Variants in ASAP2 observed in about 807,000 individuals in gnomAD.
The protein encoded by ASAP2 is arf-GAP with SH3 domain, ANK repeat and PH domain-containing protein 2.
In ASAP2, 45 loss-of-function variants were observed where a neutral mutation model predicts 131.4. The ratio of observed to expected loss-of-function variants is 0.34; its 90% confidence interval spans 0.27 to 0.44. The LOEUF (loss-of-function observed/expected upper bound fraction) is 0.44, where lower values mean the gene tolerates loss of function less well. Ranked by LOEUF, ASAP2 falls within the 20% of genes least tolerant of loss-of-function variation. ASAP2 has a pLI of 1.00. For synonymous variants in ASAP2, 510 were observed against 503.0 expected (o/e 1.01, Z -0.19); for missense variants, 1,011 against 1,297.0 (o/e 0.78, Z 3.39).
At position 9,356,084 on chromosome 2, in the gene ASAP2, G is replaced by A. The variant is rs750474378; in HGVS notation, c.1149G>A (p.Gln383=). Residue 383 remains glutamine, a synonymous_variant, in exon 13 of 28, where the codon CAG becomes CAA. Coordinates refer to ENST00000281419, the MANE Select transcript of ASAP2 (RefSeq NM_003887.3). ...ACCACTTTCAAGCTGAAGATGAACA[G>A]GAATGTCAAATGTAAGTTACATGGT... ...RTYHFQAEDE[Q]ECQIWMSVLQ... 3.2e-5 allele frequency: 51 copies of A among 1,614,086 alleles called. No homozygotes were observed. The South Asian group carries it at 5.3e-4, about 17-fold the overall frequency.
chr2:9,292,817 C>T (rs185880492), intron 2 of ASAP2, among the ~76,000 whole-genome samples: 68 of 152,316 alleles, frequency 4.5e-4, no homozygotes, highest in African/African-American at 1.5e-3. Context: ...CCCAGCATAC[C>T]GTCACATCCC....
intron 15 of ASAP2, among the ~76,000 whole-genome samples, chr2:9,365,035 G>GA (rs1292692667): frequency 6.6e-6 from 1 of 151,954 alleles, no homozygotes; most frequent in Non-Finnish European, 1.5e-5. Context: ...AAGTCTATCA[G>GA]AAAAAATTGA....
intron 1 of ASAP2, among the ~76,000 whole-genome samples, chr2:9,247,278 C>T (rs143225194): frequency 1.3e-5 from 2 of 152,326 alleles, no homozygotes; most frequent in African/African-American, 4.8e-5. Flanking sequence ...GAACTCTTCG[C>T]TCCTCAATTA....
At chr2:9,361,582 T>G (rs1299003911) in intron 15 of ASAP2, among the ~76,000 whole-genome samples, 1 of 152,132 alleles carries the variant, frequency 6.6e-6, no homozygotes, top group African/African-American at 2.4e-5. Context: ...TTCCTTTTCT[T>G]TTTTTGACAG....
intron 4 of ASAP2, among the ~76,000 whole-genome samples, chr2:9,319,857 T>G (rs10203328): frequency 0.29 from 44,739 of 152,034 alleles, 6,968 homozygotes; most frequent in Non-Finnish European, 0.36. Context: ...TCTATTTCTG[T>G]CGTTGGGCTT....
intron 3 of ASAP2, among the ~76,000 whole-genome samples, chr2:9,301,049 C>T (rs986802018): frequency 2.6e-5 from 4 of 152,174 alleles, no homozygotes; most frequent in East Asian, 1.9e-4. Flanking sequence ...CGGATTATGG[C>T]GGAAGTCTCC....
At chr2:9,242,620 G>A (rs908023311) in intron 1 of ASAP2, among the ~76,000 whole-genome samples, 5 of 152,096 alleles carry the variant, frequency 3.3e-5, no homozygotes, top group African/African-American at 9.7e-5. Flanking sequence ...AGCTGGTCGC[G>A]GGATCACCTT....
At chr2:9,347,421 C>T (rs192943198) in intron 11 of ASAP2, among the ~76,000 whole-genome samples, 142 of 152,174 alleles carry the variant, frequency 9.3e-4, no homozygotes, top group Admixed American at 1.9e-3. Flanking sequence ...TGAGTGTGCT[C>T]GTTTACAGTC....
At chr2:9,288,298 A>G (rs567603968) in intron 2 of ASAP2, among the ~76,000 whole-genome samples, 3 of 152,318 alleles carry the variant, frequency 2.0e-5, no homozygotes, top group South Asian at 4.1e-4. Flanking sequence ...AGTTGTAAGG[A>G]TGAAAGATAT....
At chr2:9,390,974 A>G in intron 22 of ASAP2, 88 bp from the exon 23 acceptor site, 6 of 1,597,274 alleles carry the variant, frequency 3.8e-6, no homozygotes, top group Non-Finnish European at 5.1e-6. Flanking sequence ...GGGGAGGATC[A>G]ATAACGCAGT....
intron 1 of ASAP2, among the ~76,000 whole-genome samples, chr2:9,241,516 A>G (rs1181257910): frequency 3.3e-5 from 5 of 152,180 alleles, no homozygotes; most frequent in African/African-American, 4.8e-5. Flanking sequence ...AAGAAGCAGG[A>G]GGATCACTTG....
At chr2:9,373,620 G>T (rs1178751638) in intron 16 of ASAP2, among the ~76,000 whole-genome samples, 1 of 152,240 alleles carries the variant, frequency 6.6e-6, no homozygotes, top group East Asian at 1.9e-4. Flanking sequence ...GTCAACAACT[G>T]CTCCAGCAGC....
At chr2:9,222,013 C>G (rs1218684653) in intron 1 of ASAP2, among the ~76,000 whole-genome samples, 18 of 151,516 alleles carry the variant, frequency 1.2e-4, no homozygotes, top group Admixed American at 1.2e-3. Context: ...TGGTCTTGAT[C>G]TCCTGATCTC....
intron 9 of ASAP2, among the ~76,000 whole-genome samples, chr2:9,338,995 TAGTG>T (rs1199514552): frequency 1.3e-5 from 2 of 152,134 alleles, no homozygotes; most frequent in African/African-American, 4.8e-5. Context: ...CTGGCCAACA[TAGTG>T]AGATTCCATC....
At chr2:9,212,858 A>G (rs985329917) in intron 1 of ASAP2, among the ~76,000 whole-genome samples, 2 of 152,150 alleles carry the variant, frequency 1.3e-5, no homozygotes, top group South Asian at 2.1e-4. Flanking sequence ...CAGCATCTCC[A>G]CGTACACCAC....
chr2:9,351,724 G>A (rs1672345015), intron 12 of ASAP2, among the ~76,000 whole-genome samples: 1 of 152,142 alleles, frequency 6.6e-6, no homozygotes, highest in African/African-American at 2.4e-5. Flanking sequence ...CTGTATTATT[G>A]AGGGCTAGGA....
chr2:9,318,134 T>A (rs937816631), intron 3 of ASAP2, among the ~76,000 whole-genome samples: 1 of 152,184 alleles, frequency 6.6e-6, no homozygotes, highest in Non-Finnish European at 1.5e-5. Flanking sequence ...CCAACCCCAG[T>A]ACAGTCCAGC....
intron 1 of ASAP2, among the ~76,000 whole-genome samples, chr2:9,275,030 C>T (rs1186241925): frequency 2.0e-5 from 3 of 150,524 alleles, no homozygotes; most frequent in African/African-American, 4.9e-5. Flanking sequence ...CAGCCTTTTA[C>T]ATTGAAGTTT....
intron 12 of ASAP2, among the ~76,000 whole-genome samples, chr2:9,354,079 C>T (rs1039450507): frequency 6.6e-6 from 1 of 152,212 alleles, no homozygotes; most frequent in Non-Finnish European, 1.5e-5. Context: ...TGCCTGCAGA[C>T]CGACCCCACT....
Sources: allele counts gnomAD v4.1 joint callset (sites outside exome capture counted in the v4.1 genomes callset), GRCh38; gene constraint gnomAD v4.1.1; transcripts MANE v1.5; gene names NCBI Gene and HGNC (gene_info 2026-07-23, HGNC 2026-07-21).